The following SESN1 variants were observed in gnomAD, a reference collection of about 807,000 sequenced individuals.
The protein encoded by SESN1 is sestrin 1.
SESN1 carries 30 observed loss-of-function variants against 59.3 expected under a neutral mutation model. The observed-to-expected ratio is 0.51, with a 90% CI of 0.38 to 0.69. The LOEUF is 0.69. Among genes scored for constraint, SESN1 ranks in the 30% least tolerant of loss-of-function variants. The probability of loss-of-function intolerance (pLI) is 0.00; values close to 1 mark genes in which losing one functional copy is unlikely to be tolerated. For synonymous variants in SESN1, 197 were observed against 219.9 expected, an observed-to-expected ratio of 0.90 and a Z score of 0.92; for missense variants, 566 against 673.0, an observed-to-expected ratio of 0.84 and a Z score of 1.76.
intron 5 of SESN1, among the ~76,000 whole-genome samples, chr6:108,995,449 C>G (rs11153150): frequency 0.098 from 14,965 of 152,210 alleles, 899 homozygotes; most frequent in Middle Eastern, 0.19. Context: ...TGGCAGCTGT[C>G]ACTTGCTGGG....
At chr6:109,012,220 T>G (rs1351599392) in intron 1 of SESN1, among the ~76,000 whole-genome samples, 3 of 152,098 alleles carry the variant, frequency 2.0e-5, no homozygotes, top group Non-Finnish European at 4.4e-5. Flanking sequence ...AAGTCTGCTA[T>G]TTAAACATTT....
At position 109,079,264 on chromosome 6, in the gene SESN1, T is replaced by C. The variant is rs536684299; in HGVS notation, c.279+14531A>G. Among the ~76,000 whole-genome samples, 37 of 151,482 alleles carry C rather than the reference T, an allele frequency of 2.4e-4. 1 individual carries two copies. In the South Asian group the frequency reaches 4.2e-3, roughly 17 times the overall value. On this transcript the variant is annotated intron_variant, in intron 1 of 9. Coordinates refer to ENST00000436639, the MANE Select transcript of SESN1 (RefSeq NM_014454.3). ...CTAATATTCAATACAGGCCCAATCA[T>C]GCAAGATACGTTTAAATCTTTAACA...
intron 3 of SESN1, among the ~76,000 whole-genome samples, chr6:109,000,997 G>A (rs1779609059): frequency 6.6e-6 from 1 of 152,106 alleles, no homozygotes; most frequent in Non-Finnish European, 1.5e-5. Context: ...TTTACATCTT[G>A]AACAGGAAGC....
chr6:109,009,425 C>G, intron 1 of SESN1: 4 of 1,403,070 alleles, frequency 2.9e-6, no homozygotes, highest in Non-Finnish European at 3.7e-6. Flanking sequence ...CCAAAGGGGC[C>G]GTGTACGCCT....
chr6:109,007,939 T>C (rs1779767993), intron 1 of SESN1, among the ~76,000 whole-genome samples: 3 of 152,186 alleles, frequency 2.0e-5, no homozygotes, highest in Admixed American at 6.5e-5. Flanking sequence ...TTTAAAAGCA[T>C]TATGGAAGCT....
At position 109,087,237 on chromosome 6, in the gene SESN1, C is replaced by T. The variant is rs1321396525; in HGVS notation, c.279+6558G>A. On this transcript the variant is annotated intron_variant, in intron 1 of 9. Coordinates refer to ENST00000436639, the MANE Select transcript of SESN1 (RefSeq NM_014454.3). ...CTTTCTGAAGAGTCAAAACATAGGA[C>T]AGGATGTATTTATATATTATAAAGA... 3.3e-5 allele frequency among the ~76,000 whole-genome samples: 5 copies of T among 151,686 alleles called. No homozygotes were observed. The East Asian group carries it at 9.6e-4, about 29-fold the overall frequency.
intron 1 of SESN1, among the ~76,000 whole-genome samples, chr6:109,060,779 T>C (rs1354056570): frequency 6.6e-5 from 10 of 152,198 alleles, no homozygotes; most frequent in Admixed American, 2.6e-4. Flanking sequence ...CTCAGAAAAC[T>C]TGTTACTGGA....
chr6:109,037,409 G>A (rs909388828), intron 1 of SESN1, among the ~76,000 whole-genome samples: 1 of 152,120 alleles, frequency 6.6e-6, no homozygotes, highest in African/African-American at 2.4e-5. Context: ...TCTTTGCAGA[G>A]CAATAATTAA....
At chr6:109,031,375 G>A (rs1562464146) in intron 1 of SESN1, among the ~76,000 whole-genome samples, 1 of 152,144 alleles carries the variant, frequency 6.6e-6, no homozygotes, top group African/African-American at 2.4e-5. Flanking sequence ...CACTTCAGTG[G>A]AAGAGGTAGT....
chr6:109,042,470 G>A (rs1226573900), intron 1 of SESN1, among the ~76,000 whole-genome samples: 1 of 151,188 alleles, frequency 6.6e-6, no homozygotes, highest in East Asian at 1.9e-4. Context: ...AGACTGACAC[G>A]GGAATTAAGA....
intron 1 of SESN1, among the ~76,000 whole-genome samples, chr6:109,025,662 G>A (rs1780080007): frequency 1.3e-5 from 2 of 151,716 alleles, no homozygotes; most frequent in Admixed American, 1.3e-4. Flanking sequence ...ATTTGAAAAT[G>A]AATGAAATAG....
intron 1 of SESN1, among the ~76,000 whole-genome samples, chr6:109,026,495 G>T (rs1308108325): frequency 2.0e-5 from 3 of 152,082 alleles, no homozygotes; most frequent in Non-Finnish European, 4.4e-5. Context: ...TATAATAGGT[G>T]TAGGTTTAAC....
At chr6:109,023,867 T>C (rs1780046192) in intron 1 of SESN1, among the ~76,000 whole-genome samples, 1 of 152,198 alleles carries the variant, frequency 6.6e-6, no homozygotes, top group Non-Finnish European at 1.5e-5. Context: ...CACTTTCATA[T>C]ATTTAAAGCA....
chr6:108,994,559 C>T lies in SESN1; in HGVS notation c.1023G>A (p.Gln341=). 6.2e-7 allele frequency: 1 copy of T among 1,613,564 alleles called. No homozygotes were observed. Among genetic ancestry groups the T allele is most frequent in the Non-Finnish European group, 8.5e-7 (1 of 1,179,728 alleles). ...EVEALMEKMR[Q]LQECRDEEEA... The stretch of plus-strand genomic sequence containing the variant: ...CTTCTTCATCTCGACATTCCTGTAA[C>T]TGCCTCATCTTTTCCATGAGGGCTT... Residue 341 remains glutamine (Q), a synonymous_variant, in exon 6 of 10, where the codon CAG becomes CAA. Transcript: ENST00000436639.
At chr6:109,050,761 A>G (rs1780528222) in intron 1 of SESN1, among the ~76,000 whole-genome samples, 1 of 152,234 alleles carries the variant, frequency 6.6e-6, no homozygotes, top group Admixed American at 6.5e-5. Flanking sequence ...ATCTTCTTTT[A>G]GTAATCATAA....
intron 1 of SESN1, among the ~76,000 whole-genome samples, chr6:109,041,356 T>C (rs746006946): frequency 9.2e-5 from 14 of 152,002 alleles, no homozygotes; most frequent in Non-Finnish European, 1.9e-4. Flanking sequence ...AACATAAAAA[T>C]AGCAGATGAC....
At chr6:109,010,590 T>C (rs1185637810) in intron 1 of SESN1, among the ~76,000 whole-genome samples, 1 of 152,250 alleles carries the variant, frequency 6.6e-6, no homozygotes, top group African/African-American at 2.4e-5. Context: ...GTTACTCTTT[T>C]AGCTCTTCAA....
At chr6:108,993,848 G>A (rs1008392328) in intron 6 of SESN1, among the ~76,000 whole-genome samples, 10 of 151,734 alleles carry the variant, frequency 6.6e-5, no homozygotes, top group Admixed American at 6.6e-5. Context: ...TTGAGTAGCC[G>A]GTACTACAGG....
chr6:109,014,120 T>C (rs951249447), intron 1 of SESN1, among the ~76,000 whole-genome samples: 4 of 152,156 alleles, frequency 2.6e-5, no homozygotes, highest in African/African-American at 9.7e-5. Flanking sequence ...TTTAGAAATG[T>C]AGTGTTTTAA....
Sources: gnomAD v4.1 joint callset for allele counts (sites outside exome capture counted in the v4.1 genomes callset) on GRCh38, gnomAD v4.1.1 for gene constraint, MANE v1.5 for transcripts, NCBI Gene and HGNC (gene_info 2026-07-23, HGNC 2026-07-21) for gene names.